The following CERS3 variants were observed in gnomAD, a reference collection of about 807,000 sequenced individuals.
CERS3 encodes the protein LAG1 homolog, ceramide synthase 3.
CERS3 carries 33 observed loss-of-function variants against 50.3 expected under a neutral mutation model. That is an observed-to-expected ratio of 0.66 (90% confidence interval 0.50 to 0.88). The LOEUF (loss-of-function observed/expected upper bound fraction) is 0.88, where lower values mean the gene tolerates loss of function less well. Among genes scored for constraint, CERS3 ranks in the 40% least tolerant of loss-of-function variants. The probability of loss-of-function intolerance (pLI) is 0.00; values close to 1 mark genes in which losing one functional copy is unlikely to be tolerated. For missense variants in CERS3, 470 were observed against 460.3 expected, an observed-to-expected ratio of 1.02 and a Z score of -0.19; for synonymous variants, 176 against 155.2, an observed-to-expected ratio of 1.13 and a Z score of -0.99.
chr15:100,439,132 G>A (rs919694244), intron 11 of CERS3, among the ~76,000 whole-genome samples: 1 of 152,028 alleles, frequency 6.6e-6, no homozygotes, highest in Non-Finnish European at 1.5e-5. Flanking sequence ...TGCTAAGCAG[G>A]GTCCATATAA....
At chr15:100,477,340 T>A (rs1477372133) in intron 7 of CERS3, among the ~76,000 whole-genome samples, 1 of 152,174 alleles carries the variant, frequency 6.6e-6, no homozygotes, top group Non-Finnish European at 1.5e-5. Flanking sequence ...TATAACGAAT[T>A]TTTTTGGTCA....
intron 11 of CERS3, among the ~76,000 whole-genome samples, chr15:100,447,629 G>A (rs1362905711): frequency 7.9e-5 from 12 of 152,178 alleles, no homozygotes; most frequent in African/African-American, 2.7e-4. Flanking sequence ...GCAGAAATGC[G>A]ATCTTTTTCA....
At chr15:100,454,387 C>CAAAAA (rs59536958) in intron 11 of CERS3, among the ~76,000 whole-genome samples, 4,242 of 111,296 alleles carry the variant, frequency 0.038, 179 homozygotes, top group African/African-American at 0.064. Flanking sequence ...AAGGCATTGT[C>CAAAAA]AAAAAAAAAA....
chr15:100,498,908 G>A (rs937723424), intron 3 of CERS3, among the ~76,000 whole-genome samples: 12 of 152,158 alleles, frequency 7.9e-5, no homozygotes, highest in South Asian at 2.1e-4. Flanking sequence ...TTTTATGTGT[G>A]AACAAAATAT....
In CERS3 at chr15:100,456,027, T is replaced by A. The variant is rs758776012; in HGVS notation, c.865A>T (p.Ile289Phe). ...FPFWILYCTL[I>F]LPMYHLEPFF... ...GGCTCGAGGTGATACATAGGCAAGA[T>A]CAGCGTGCAATATAAAATCCTGAAA... Residue 289 changes from isoleucine (I) to phenylalanine (F), a missense_variant, in exon 11 of 12, where the codon ATC becomes TTC. Ile to Phe is a conservative substitution (Grantham distance 21). Transcript: ENST00000679737. 11 of 1,609,236 alleles carry A rather than the reference T, an allele frequency of 6.8e-6. No individual in the cohort carries two copies. In the South Asian group the frequency reaches 1.2e-4, roughly 18 times the overall value.
chr15:100,442,997 T>C (rs1165424586), intron 11 of CERS3, among the ~76,000 whole-genome samples: 8 of 151,720 alleles, frequency 5.3e-5, no homozygotes, highest in African/African-American at 1.2e-4. Flanking sequence ...ACTTAGACAA[T>C]ACTCTTTTAA....
chr15:100,502,220 G>A (rs1281781784), intron 2 of CERS3, among the ~76,000 whole-genome samples: 1 of 136,292 alleles, frequency 7.3e-6, no homozygotes, highest in Admixed American at 8.2e-5. Context: ...ACTCCAGCCT[G>A]GCGACAGAGC....
chr15:100,432,834 A>T (rs2033203881), intron 11 of CERS3, among the ~76,000 whole-genome samples: 1 of 152,186 alleles, frequency 6.6e-6, no homozygotes, highest in South Asian at 2.1e-4. Flanking sequence ...GGGCTTGATG[A>T]CTGGTATCTG....
chr15:100,486,751 A>G (rs1376801429), intron 4 of CERS3, among the ~76,000 whole-genome samples: 4 of 152,222 alleles, frequency 2.6e-5, no homozygotes, highest in African/African-American at 9.6e-5. Context: ...TTTGCCATTC[A>G]TTCATTTGAA....
intron 10 of CERS3, among the ~76,000 whole-genome samples, chr15:100,460,707 G>C (rs574846739): frequency 2.6e-5 from 4 of 152,086 alleles, no homozygotes; most frequent in Non-Finnish European, 4.4e-5. Flanking sequence ...TTCACCTCTG[G>C]GTCCTTCCCT....
Position 100,538,222 on chromosome 15 carries a change from C to G in CERS3, c.-355+6429G>C, listed in dbSNP as rs532783568. Among the ~76,000 whole-genome samples the G allele has an allele frequency of 7.3e-4, 111 of 152,268 alleles. 1 individual carries two copies. The highest frequency in any genetic ancestry group is 2.4e-3 in the African/African-American group (100 of 41,554). ...ACAGGCTGGCATTGAGTGTTTGTGG[C>G]TTTTCCAGGAGCACAGTGCAAGCTG... On this transcript the variant is annotated intron_variant, in intron 1 of 12. Transcript: ENST00000284382.
intron 1 of CERS3, among the ~76,000 whole-genome samples, chr15:100,525,177 A>G (rs1238092897): frequency 2.6e-5 from 4 of 152,220 alleles, no homozygotes; most frequent in Non-Finnish European, 5.9e-5. Context: ...CTGAGCAGAC[A>G]GATTTGGGAA....
intron 11 of CERS3, among the ~76,000 whole-genome samples, chr15:100,412,665 T>C (rs2031581158): frequency 6.6e-6 from 1 of 152,170 alleles, no homozygotes; most frequent in African/African-American, 2.4e-5. Flanking sequence ...GTATACAGAA[T>C]ACCTCTTCTT....
chr15:100,450,650 T>G (rs754496873), intron 11 of CERS3, among the ~76,000 whole-genome samples: 7 of 152,168 alleles, frequency 4.6e-5, no homozygotes, highest in African/African-American at 9.7e-5. Context: ...AACAAAATAA[T>G]AGCTGAAGTG....
At chr15:100,503,279 G>C (rs1555532724) in intron 2 of CERS3, among the ~76,000 whole-genome samples, 1 of 152,190 alleles carries the variant, frequency 6.6e-6, no homozygotes, top group Non-Finnish European at 1.5e-5. Context: ...GTGTGGAATG[G>C]TAGGTTACAA....
At chr15:100,408,097 C>G (rs943123570) in intron 11 of CERS3, among the ~76,000 whole-genome samples, 2 of 152,040 alleles carry the variant, frequency 1.3e-5, no homozygotes, top group African/African-American at 2.4e-5. Context: ...GTCTTGAACT[C>G]CTGACCTCAA....
chr15:100,505,607 A>G (rs2036152838), intron 2 of CERS3, among the ~76,000 whole-genome samples: 1 of 152,268 alleles, frequency 6.6e-6, no homozygotes, highest in Non-Finnish European at 1.5e-5. Flanking sequence ...AAAAATGAAA[A>G]CAAAGCACAG....
intron 10 of CERS3, among the ~76,000 whole-genome samples, chr15:100,465,071 C>T (rs1332593877): frequency 6.6e-6 from 1 of 152,080 alleles, no homozygotes; most frequent in Non-Finnish European, 1.5e-5. Flanking sequence ...TCAAGGCTTC[C>T]AGACAAATCT....
At chr15:100,417,088 C>T (rs56715928) in intron 11 of CERS3, among the ~76,000 whole-genome samples, 4,023 of 152,234 alleles carry the variant, frequency 0.026, 199 homozygotes, top group African/African-American at 0.091. Context: ...GCCAAGATGT[C>T]CGAATAGGAA....
Sources: allele counts gnomAD v4.1 joint callset (sites outside exome capture counted in the v4.1 genomes callset), GRCh38; gene constraint gnomAD v4.1.1; transcripts MANE v1.5; gene names NCBI Gene and HGNC (gene_info 2026-07-23, HGNC 2026-07-21).